The following TAPT1 variants were observed in gnomAD, a reference collection of about 807,000 sequenced individuals.
The protein encoded by TAPT1 is transmembrane anterior posterior transformation protein 1 homolog.
A neutral mutation model predicts 65.6 loss-of-function variants in TAPT1; 28 were observed. The ratio of observed to expected loss-of-function variants is 0.43; its 90% CI spans 0.32 to 0.59. The LOEUF (loss-of-function observed/expected upper bound fraction) is 0.59, where lower values mean the gene tolerates loss of function less well. Ranked by LOEUF, TAPT1 falls within the 20% of genes least tolerant of loss-of-function variation. The probability of loss-of-function intolerance (pLI) is 0.09; values close to 1 mark genes in which losing one functional copy is unlikely to be tolerated. For synonymous variants in TAPT1, 278 were observed against 245.2 expected (o/e 1.13, Z -1.25); for missense variants, 563 against 679.9 (o/e 0.83, Z 1.91).
rs1009745201 is a variant in TAPT1 at position 16,174,119 on chromosome 4, A to C, written c.1236+85T>G. 9.5e-6 allele frequency: 11 copies of C among 1,156,940 alleles called. No homozygotes were observed. The African/African-American group carries it at 1.6e-4, about 17-fold the overall frequency. The allele number at this position is 1,156,940 out of a possible 1,614,324, so 71.7% of individuals were successfully genotyped here. On this transcript the variant is annotated intron_variant, in intron 11 of 13. Transcript: ENST00000405303. ...TTAATTTTTATATCAAGTCCTTTTG[A>C]AACAATCATATTAATAATCCATTTA...
intron 8 of TAPT1, chr4:16,176,658 T>G (rs1748346586): frequency 6.5e-6 from 1 of 153,028 alleles, no homozygotes; most frequent in Non-Finnish European, 1.5e-5. Context: ...ATCGCGCCAC[T>G]GCACTGCAGC....
chr4:16,213,337 G>A (rs952609937), intron 2 of TAPT1, among the ~76,000 whole-genome samples: 6 of 151,956 alleles, frequency 3.9e-5, no homozygotes, highest in African/African-American at 1.5e-4. Flanking sequence ...TCTTTGAAGA[G>A]ACTGTCCTGT....
intron 2 of TAPT1, among the ~76,000 whole-genome samples, chr4:16,212,781 T>A (rs920948345): frequency 1.3e-5 from 2 of 152,212 alleles, no homozygotes; most frequent in African/African-American, 4.8e-5. Flanking sequence ...AATACAGAAC[T>A]CCCTAAAACT....
chr4:16,194,674 T>C (rs1749583341), intron 3 of TAPT1, among the ~76,000 whole-genome samples: 1 of 152,182 alleles, frequency 6.6e-6, no homozygotes, highest in South Asian at 2.1e-4. Flanking sequence ...TATTATGATA[T>C]ATATACGATA....
At chr4:16,218,349 G>A (rs1023500292) in intron 1 of TAPT1, among the ~76,000 whole-genome samples, 5 of 152,238 alleles carry the variant, frequency 3.3e-5, no homozygotes, top group Non-Finnish European at 7.3e-5. Flanking sequence ...AGGCTGCAGT[G>A]AGCCGAGATC....
rs5856341 is a variant in TAPT1, at chr4:16,166,991, C to CTTTTT, written c.1314-203_1314-199dup. On this transcript the variant is annotated intron_variant, in intron 12 of 13. Transcript: ENST00000405303. ...AAAAACTTCGGAATTCCTTAGTTCT[C>CTTTTT]TTTTTTTTTTTTTTTTTTTTTGAGA... 316 of 160,530 alleles carry CTTTTT rather than the reference C, an allele frequency of 2.0e-3. 10 individuals carry two copies. Among genetic ancestry groups the CTTTTT allele is most frequent in the South Asian group, 5.0e-3 (54 of 10,908 alleles). 9.9% of individuals were successfully genotyped at this position (160,530 alleles called of 1,614,324 possible).
At chr4:16,181,702 G>A (rs1210611818) in intron 7 of TAPT1, among the ~76,000 whole-genome samples, 1 of 152,108 alleles carries the variant, frequency 6.6e-6, no homozygotes, top group Admixed American at 6.5e-5. Flanking sequence ...GGAGTAGCTG[G>A]GATTACAGGC....
chr4:16,226,386 G>A lies in TAPT1; in HGVS notation c.72C>T (p.Asp24=). 9.1e-7 allele frequency: 1 copy of A among 1,100,210 alleles called. No individual in the cohort carries two copies. The highest frequency in any genetic ancestry group is 1.1e-6 in the Non-Finnish European group (1 of 905,210). The allele number at this position is 1,100,210 out of a possible 1,614,324, so 68.2% of individuals were successfully genotyped here. The change falls in exon 1 of 14, where the codon GAC becomes GAT. Residue 24 remains aspartate, a synonymous_variant. Coordinates refer to ENST00000405303, the MANE Select transcript of TAPT1 (RefSeq NM_153365.3). The part of the protein sequence containing the change: ...GGGGVDGPQR[D]GRGEAEQPGG... ...CCGGCTGCTCCGCCTCGCCGCGGCCGTCCCGCTGCGGGCCGTCCACGCCGC... is the reference window on the plus strand; with the variant it reads ...CCGGCTGCTCCGCCTCGCCGCGGCCATCCCGCTGCGGGCCGTCCACGCCGC...
chr4:16,178,573 TAGC>T (rs1267780899), intron 8 of TAPT1, among the ~76,000 whole-genome samples: 2 of 152,220 alleles, frequency 1.3e-5, no homozygotes, highest in African/African-American at 2.4e-5. Context: ...TTAGCTCACT[TAGC>T]ATTATAATTA....
chr4:16,170,884 G>A (rs1384621422), intron 11 of TAPT1, among the ~76,000 whole-genome samples, 155 bp from the exon 12 acceptor site: 2 of 152,162 alleles, frequency 1.3e-5, no homozygotes, highest in African/African-American at 2.4e-5. Context: ...AGGCAGATTT[G>A]TTGATTTGTA....
At chr4:16,172,282 T>C (rs1037786237) in intron 11 of TAPT1, among the ~76,000 whole-genome samples, 1 of 152,102 alleles carries the variant, frequency 6.6e-6, no homozygotes, top group Non-Finnish European at 1.5e-5. Flanking sequence ...TCTGACAAGT[T>C]ACTAGACAAA....
intron 3 of TAPT1, among the ~76,000 whole-genome samples, chr4:16,198,370 A>G (rs937444430): frequency 2.0e-5 from 3 of 152,170 alleles, no homozygotes; most frequent in Non-Finnish European, 4.4e-5. Flanking sequence ...AGAAGGCAAT[A>G]ATTTACATTA....
At chr4:16,174,780 T>C in intron 9 of TAPT1, 51 bp from the exon 10 acceptor site, 2 of 1,313,048 alleles carry the variant, frequency 1.5e-6, no homozygotes, top group Admixed American at 5.3e-5. Flanking sequence ...AAATATATAA[T>C]GTGGAAAGAC....
intron 11 of TAPT1, among the ~76,000 whole-genome samples, chr4:16,172,102 T>C (rs2149671927): frequency 6.6e-6 from 1 of 152,292 alleles, no homozygotes; most frequent in South Asian, 2.1e-4. Flanking sequence ...TCTGCCTAAC[T>C]ATATGACCCC....
At chr4:16,181,812 C>T (rs1207564637) in intron 7 of TAPT1, among the ~76,000 whole-genome samples, 1 of 152,234 alleles carries the variant, frequency 6.6e-6, no homozygotes, top group African/African-American at 2.4e-5. Flanking sequence ...AGGTGATCCG[C>T]CCATCTTGGC....
At chr4:16,174,750 A>C (rs1748221211) in intron 9 of TAPT1, 21 bp from the exon 10 acceptor site, 2 of 1,491,328 alleles carry the variant, frequency 1.3e-6, no homozygotes, top group African/African-American at 2.8e-5. Context: ...ACAAGAATGA[A>C]ATATCAAGTA....
chr4:16,198,280 T>C (rs1320442682), intron 3 of TAPT1, among the ~76,000 whole-genome samples: 1 of 152,176 alleles, frequency 6.6e-6, no homozygotes, highest in Admixed American at 6.5e-5. Context: ...TCTATGTGCT[T>C]TAAAAAGCTT....
intron 7 of TAPT1, among the ~76,000 whole-genome samples, chr4:16,181,378 A>C (rs1748697853): frequency 6.6e-6 from 1 of 152,246 alleles, no homozygotes; most frequent in South Asian, 2.1e-4. Flanking sequence ...AGAAATTTAA[A>C]ACACTATCTG....
rs187325369 is a variant in TAPT1 at position 16,172,640 on chromosome 4, T to G, written c.1236+1564A>C. Among the ~76,000 whole-genome samples, 87 of 152,176 alleles carry G rather than the reference T, an allele frequency of 5.7e-4. 1 individual carries two copies. Among genetic ancestry groups the G allele is most frequent in the Non-Finnish European group, 7.6e-4 (52 of 68,032 alleles). On this transcript the variant is annotated intron_variant, in intron 11 of 13. Transcript: ENST00000405303. ...CTGTAAAGGCACACTGAAATTTAAATAGCATTAAGCCTATTAATCATCTGT... is the reference window on the plus strand; with the variant it reads ...CTGTAAAGGCACACTGAAATTTAAAGAGCATTAAGCCTATTAATCATCTGT...
Sources: allele counts gnomAD v4.1 joint callset (sites outside exome capture counted in the v4.1 genomes callset), GRCh38; gene constraint gnomAD v4.1.1; transcripts MANE v1.5; gene names NCBI Gene and HGNC (gene_info 2026-07-23, HGNC 2026-07-21).